Variants in PDE4D observed in about 807,000 individuals in gnomAD.
PDE4D encodes phosphodiesterase 4D.
A neutral mutation model predicts 87.4 loss-of-function variants in PDE4D; 24 were observed. The ratio of observed to expected loss-of-function variants is 0.27; its 90% CI spans 0.20 to 0.39. The LOEUF (loss-of-function observed/expected upper bound fraction) is 0.39, where lower values mean the gene tolerates loss of function less well. Ranked by LOEUF, PDE4D falls within the 10% of genes least tolerant of loss-of-function variation. PDE4D has a pLI of 1.00. For missense variants in PDE4D, 714 were observed against 1,041.0 expected, an observed-to-expected ratio of 0.69 and a Z score of 4.32; for synonymous variants, 384 against 383.2, an observed-to-expected ratio of 1.00 and a Z score of -0.02.
At chr5:60,455,042 A>C (rs1351981016) in intron 1 of PDE4D, among the ~76,000 whole-genome samples, 1 of 152,128 alleles carries the variant, frequency 6.6e-6, no homozygotes, top group Non-Finnish European at 1.5e-5. Flanking sequence ...TTGGGAAAAC[A>C]GAAGAGTGTA....
chr5:59,727,414 G>A (rs960953361), intron 1 of PDE4D, among the ~76,000 whole-genome samples: 2 of 151,992 alleles, frequency 1.3e-5, no homozygotes, highest in African/African-American at 4.8e-5. Context: ...GTTTATCCAC[G>A]CATTAAAAGC....
At chr5:60,097,638 G>A (rs1775810646) in intron 2 of PDE4D, among the ~76,000 whole-genome samples, 1 of 151,876 alleles carries the variant, frequency 6.6e-6, no homozygotes, top group South Asian at 2.1e-4. Context: ...TGCTCCCAAA[G>A]TTATATCAAA....
At chr5:59,939,449 A>G (rs75005478) in intron 3 of PDE4D, among the ~76,000 whole-genome samples, 3,837 of 152,288 alleles carry the variant, frequency 0.025, 152 homozygotes, top group African/African-American at 0.087. Flanking sequence ...TGGTGATTAT[A>G]TCTAGTGAGG....
chr5:60,425,634 T>C (rs1228836320), intron 1 of PDE4D, among the ~76,000 whole-genome samples: 2 of 152,176 alleles, frequency 1.3e-5, no homozygotes, highest in East Asian at 3.9e-4. Context: ...AAGGACTTCA[T>C]GACTAAAACA....
intron 1 of PDE4D, among the ~76,000 whole-genome samples, chr5:59,622,647 T>C (rs1005249642): frequency 6.6e-6 from 1 of 152,200 alleles, no homozygotes; most frequent in Non-Finnish European, 1.5e-5. Context: ...TGCCCAATCT[T>C]AAGGAAGACC....
intron 1 of PDE4D, among the ~76,000 whole-genome samples, chr5:59,678,103 A>G (rs1298254840): frequency 6.6e-6 from 1 of 152,166 alleles, no homozygotes; most frequent in East Asian, 1.9e-4. Context: ...TCCTCTAACA[A>G]TTGATCAAAT....
chr5:60,327,672 A>G (rs1756926670), intron 1 of PDE4D, among the ~76,000 whole-genome samples: 1 of 152,232 alleles, frequency 6.6e-6, no homozygotes, highest in Admixed American at 6.5e-5. Context: ...TGTTTCTACC[A>G]GCATTATTTG....
intron 2 of PDE4D, among the ~76,000 whole-genome samples, chr5:60,136,670 T>C (rs1780076886): frequency 6.6e-6 from 1 of 152,170 alleles, no homozygotes; most frequent in Non-Finnish European, 1.5e-5. Context: ...AGACTACTAT[T>C]AGGTATCCAC....
chr5:59,379,164 A>G (rs541825363), intron 1 of PDE4D, among the ~76,000 whole-genome samples: 2 of 152,234 alleles, frequency 1.3e-5, no homozygotes, highest in African/African-American at 4.8e-5. Context: ...AAATCATCCC[A>G]TCCCAGGGCT....
chr5:59,575,241 G>A (rs1403377818), intron 1 of PDE4D, among the ~76,000 whole-genome samples: 1 of 152,090 alleles, frequency 6.6e-6, no homozygotes, highest in African/African-American at 2.4e-5. Context: ...CGTAGAGGCT[G>A]GTCTATGTCT....
In PDE4D at chr5:59,549,904, T is replaced by C. The variant is rs368841865; in HGVS notation, c.456-333936A>G. On this transcript the variant is annotated intron_variant, in intron 1 of 14. Coordinates refer to ENST00000340635, the MANE Select transcript of PDE4D (RefSeq NM_001104631.2). ...ACAATTTTCTCAAGGTTATTAACCA[T>C]CAATACTCATAGAATTATGAAATAT... 7.2e-5 allele frequency among the ~76,000 whole-genome samples: 11 copies of C among 151,992 alleles called. No homozygotes were observed. The South Asian group carries it at 1.5e-3, about 20-fold the overall frequency.
At chr5:59,572,460 GT>G (rs2153696166) in intron 1 of PDE4D, among the ~76,000 whole-genome samples, 1 of 146,572 alleles carries the variant, frequency 6.8e-6, no homozygotes, top group East Asian at 1.9e-4. Flanking sequence ...CAGGTTTTTT[GT>G]TTTGTTTTGT....
chr5:59,565,994 T>C (rs1220960724), intron 1 of PDE4D, among the ~76,000 whole-genome samples: 1 of 152,134 alleles, frequency 6.6e-6, no homozygotes, highest in African/African-American at 2.4e-5. Context: ...AAAAGAAATG[T>C]GAAAATAAAA....
intron 1 of PDE4D, among the ~76,000 whole-genome samples, chr5:59,402,085 G>A (rs892337137): frequency 1.3e-5 from 2 of 152,170 alleles, no homozygotes; most frequent in Admixed American, 1.3e-4. Flanking sequence ...AGATTCTCCA[G>A]GCTATGCACA....
chr5:60,269,289 A>G (rs1205788499), intron 1 of PDE4D, among the ~76,000 whole-genome samples: 2 of 152,254 alleles, frequency 1.3e-5, no homozygotes, highest in Admixed American at 6.5e-5. Flanking sequence ...CCTGGGCAAC[A>G]GAGCAAGACT....
At chr5:60,468,137 CT>C (rs570783072) in intron 1 of PDE4D, among the ~76,000 whole-genome samples, 9 of 141,226 alleles carry the variant, frequency 6.4e-5, no homozygotes, top group African/African-American at 5.4e-5. Flanking sequence ...TTTCTTTTTT[CT>C]TTTTTTTTTG....
intron 1 of PDE4D, among the ~76,000 whole-genome samples, chr5:59,879,221 A>C (rs1265374819): frequency 1.3e-5 from 2 of 152,146 alleles, no homozygotes; most frequent in African/African-American, 4.8e-5. Context: ...AGTTTTAAAA[A>C]ATTCAAAACT....
At chr5:60,111,299 G>GC (rs1777653282) in intron 2 of PDE4D, among the ~76,000 whole-genome samples, 1 of 151,726 alleles carries the variant, frequency 6.6e-6, no homozygotes, top group East Asian at 1.9e-4. Context: ...TTATGAATCA[G>GC]CTAAAAAAGA....
intron 5 of PDE4D, among the ~76,000 whole-genome samples, chr5:59,055,725 A>G (rs1249585826): frequency 2.0e-5 from 3 of 152,154 alleles, no homozygotes; most frequent in South Asian, 4.1e-4. Context: ...GAGAATCCAC[A>G]TACTTCTTCT....
Sources: allele counts gnomAD v4.1 joint callset (sites outside exome capture counted in the v4.1 genomes callset), GRCh38; gene constraint gnomAD v4.1.1; transcripts MANE v1.5; gene names NCBI Gene and HGNC (gene_info 2026-07-23, HGNC 2026-07-21).